Variants in WWOX observed in about 807,000 individuals in gnomAD.
WWOX encodes the protein WW domain-containing oxidoreductase.
A neutral mutation model predicts 46.2 loss-of-function variants in WWOX; 69 were observed. That is an observed-to-expected ratio of 1.49 (90% confidence interval 1.23 to 1.82). The LOEUF (loss-of-function observed/expected upper bound fraction) is 1.82, where lower values mean the gene tolerates loss of function less well. Ranked by LOEUF, WWOX falls within the 40% of genes most tolerant of loss-of-function variation. The pLI is 0.00. For synonymous variants in WWOX, 359 were observed against 202.6 expected, an observed-to-expected ratio of 1.77 and a Z score of -6.56; for missense variants, 919 against 542.6, an observed-to-expected ratio of 1.69 and a Z score of -6.89.
At chr16:78,634,881 C>G (rs1030925532) in intron 8 of WWOX, among the ~76,000 whole-genome samples, 1 of 141,508 alleles carries the variant, frequency 7.1e-6, no homozygotes, top group East Asian at 2.1e-4. Flanking sequence ...TGTGCGCGTG[C>G]ATGTGTATAC....
chr16:78,745,132 G>T (rs532666845), intron 8 of WWOX, among the ~76,000 whole-genome samples: 10 of 152,316 alleles, frequency 6.6e-5, no homozygotes, highest in Admixed American at 6.5e-4. Flanking sequence ...TTAGAGTGGA[G>T]TTTGAATATG....
At chr16:78,499,456 T>C (rs2085001789) in intron 8 of WWOX, among the ~76,000 whole-genome samples, 1 of 152,226 alleles carries the variant, frequency 6.6e-6, no homozygotes, top group Admixed American at 6.5e-5. Context: ...TAGCTAACCT[T>C]TCTAAGTGGT....
At chr16:78,464,199 G>A (rs1174883683) in intron 8 of WWOX, among the ~76,000 whole-genome samples, 2 of 152,040 alleles carry the variant, frequency 1.3e-5, no homozygotes, top group South Asian at 2.1e-4. Flanking sequence ...GGGTTGTCTA[G>A]TACTAAGCAG....
intron 8 of WWOX, among the ~76,000 whole-genome samples, chr16:79,142,472 C>T (rs78983032): frequency 1.2e-4 from 19 of 152,134 alleles, no homozygotes; most frequent in African/African-American, 3.9e-4. Context: ...CATCAGGGCT[C>T]CCTCCTCCCC....
intron 5 of WWOX, among the ~76,000 whole-genome samples, chr16:78,203,421 G>T (rs1291665260): frequency 6.6e-6 from 1 of 152,140 alleles, no homozygotes; most frequent in Non-Finnish European, 1.5e-5. Flanking sequence ...AAATTTGTTA[G>T]GTTGTATAAT....
chr16:79,047,913 A>C (rs1051198028), intron 8 of WWOX, among the ~76,000 whole-genome samples: 1 of 151,958 alleles, frequency 6.6e-6, no homozygotes, highest in African/African-American at 2.4e-5. Flanking sequence ...TTGAACCAGA[A>C]TACACCCGAG....
chr16:78,221,049 A>G (rs1208866434), intron 5 of WWOX, among the ~76,000 whole-genome samples: 4 of 152,200 alleles, frequency 2.6e-5, no homozygotes, highest in African/African-American at 9.6e-5. Flanking sequence ...AAGTAGGTGA[A>G]TCTTGGAGTA....
chr16:78,947,721 A>G (rs8061217), intron 8 of WWOX, among the ~76,000 whole-genome samples: 19,621 of 152,216 alleles, frequency 0.13, 1,308 homozygotes, highest in Middle Eastern at 0.22. Flanking sequence ...AGAAAAGCCA[A>G]AAAGAATGTG....
At chr16:78,904,358 C>T (rs1004235910) in intron 8 of WWOX, among the ~76,000 whole-genome samples, 5 of 150,946 alleles carry the variant, frequency 3.3e-5, no homozygotes, top group Non-Finnish European at 2.9e-5. Context: ...CCTGCCTCAG[C>T]GTCCTGAGTA....
At chr16:78,384,126 T>A (rs2151931864) in intron 5 of WWOX, among the ~76,000 whole-genome samples, 1 of 152,252 alleles carries the variant, frequency 6.6e-6, no homozygotes, top group East Asian at 1.9e-4. Context: ...CATACATGCG[T>A]TTTTATAATA....
intron 8 of WWOX, among the ~76,000 whole-genome samples, chr16:79,051,889 A>T (rs969906397): frequency 6.6e-6 from 1 of 152,224 alleles, no homozygotes; most frequent in Non-Finnish European, 1.5e-5. Context: ...TTGCCCTGGC[A>T]TGCTTATACT....
At chr16:78,465,485 G>A (rs1460590700) in intron 8 of WWOX, among the ~76,000 whole-genome samples, 2 of 152,182 alleles carry the variant, frequency 1.3e-5, no homozygotes, top group East Asian at 1.9e-4. Flanking sequence ...CAGCCTGGGG[G>A]AGGGTTTGTT....
chr16:79,048,542 A>G (rs948033152), intron 8 of WWOX, among the ~76,000 whole-genome samples: 4 of 152,064 alleles, frequency 2.6e-5, no homozygotes, highest in South Asian at 2.1e-4. Flanking sequence ...TTTGGTATCA[A>G]TTGTTTGGCT....
intron 8 of WWOX, among the ~76,000 whole-genome samples, chr16:78,671,743 C>T (rs2047470114): frequency 6.6e-6 from 1 of 152,150 alleles, no homozygotes; most frequent in Non-Finnish European, 1.5e-5. Context: ...ATTTAGAATG[C>T]TATTATTTAG....
chr16:78,650,447 T>C (rs1321554189), intron 8 of WWOX, among the ~76,000 whole-genome samples: 1 of 152,190 alleles, frequency 6.6e-6, no homozygotes, highest in Admixed American at 6.5e-5. Context: ...CCTTGCTTCC[T>C]AGGCTGTCCA....
chr16:78,939,426 G>T (rs1260813564), intron 8 of WWOX, among the ~76,000 whole-genome samples: 1 of 152,058 alleles, frequency 6.6e-6, no homozygotes, highest in Non-Finnish European at 1.5e-5. Flanking sequence ...TCTTTCTTTG[G>T]CATTAGCTCA....
At chr16:78,141,694 T>A (rs2033993865) in intron 4 of WWOX, among the ~76,000 whole-genome samples, 1 of 152,154 alleles carries the variant, frequency 6.6e-6, no homozygotes. Context: ...TAAAAATTCA[T>A]TGAATAGGAT....
chr16:78,830,767 CA>C (rs1401074945), intron 8 of WWOX, among the ~76,000 whole-genome samples: 1 of 151,744 alleles, frequency 6.6e-6, no homozygotes, highest in African/African-American at 2.4e-5. Flanking sequence ...AACATCTGAG[CA>C]GCTCAGGGCC....
At chr16:78,187,346 C>T (rs1325117910) in intron 5 of WWOX, among the ~76,000 whole-genome samples, 3 of 152,184 alleles carry the variant, frequency 2.0e-5, no homozygotes, top group Admixed American at 6.5e-5. Context: ...CACGGTGGCT[C>T]ATGTCTGTAA....
Sources: gnomAD v4.1 joint callset for allele counts (sites outside exome capture counted in the v4.1 genomes callset) on GRCh38, gnomAD v4.1.1 for gene constraint, MANE v1.5 for transcripts, NCBI Gene and HGNC (gene_info 2026-07-23, HGNC 2026-07-21) for gene names.